Variants in NALF2 observed in about 807,000 individuals in gnomAD.
The protein encoded by NALF2 is NALCN channel auxiliary factor 2.
NALF2 carries 1 observed loss-of-function variant against 24.8 expected under a neutral mutation model. The observed-to-expected ratio is 0.04, with a 90% CI of 0.01 to 0.19. The LOEUF (loss-of-function observed/expected upper bound fraction) is 0.19, where lower values mean the gene tolerates loss of function less well. Among genes scored for constraint, NALF2 ranks in the 10% least tolerant of loss-of-function variants. The pLI is 1.00. For synonymous variants in NALF2, 254 were observed against 189.8 expected (o/e 1.34, Z -2.78); for missense variants, 458 against 409.6 (o/e 1.12, Z -1.02).
intron 1 of NALF2, among the ~76,000 whole-genome samples, chrX:69,511,046 C>T (rs1340085277): frequency 9.1e-6 from 1 of 109,708 alleles, no homozygotes; most frequent in Non-Finnish European, 1.9e-5. Flanking sequence ...ACAACCTTCC[C>T]AATCTTCTAC....
rs1053220456 is a variant in NALF2 at position 69,507,941 on chromosome X, C to G, written c.861+1798C>G. ...TAGTTGACTCCGATTTCTGTCTGGA[C>G]CTGAACTAAATACAAATCTCTCATG... On this transcript the variant is annotated intron_variant, in intron 1 of 2. Coordinates refer to ENST00000252338, the MANE Select transcript of NALF2 (RefSeq NM_015686.3). Among the ~76,000 whole-genome samples, 17 of 111,267 alleles carry G rather than the reference C, an allele frequency of 1.5e-4. No individual in the cohort carries two copies. In the Admixed American group the frequency reaches 1.5e-3, roughly 10 times the overall value.
chrX:69,516,771 T>G (rs1169356577), intron 1 of NALF2, among the ~76,000 whole-genome samples: 1 of 111,911 alleles, frequency 8.9e-6, no homozygotes, highest in Non-Finnish European at 1.9e-5. Flanking sequence ...TTGCCTCTTT[T>G]TAACACCTCC....
At chrX:69,518,167 T>A (rs1466731850) in intron 1 of NALF2, among the ~76,000 whole-genome samples, 1 of 111,397 alleles carries the variant, frequency 9.0e-6, no homozygotes, top group African/African-American at 3.3e-5. Context: ...GTTGTCCTGA[T>A]AAATTTACCA....
At chrX:69,517,082 G>A (rs976754573) in intron 1 of NALF2, among the ~76,000 whole-genome samples, 2 of 110,969 alleles carry the variant, frequency 1.8e-5, no homozygotes, top group Admixed American at 9.5e-5. Context: ...CCATCCCAAG[G>A]GCAATATGAG....
At chrX:69,522,271 C>T (rs780762894) in intron 1 of NALF2, among the ~76,000 whole-genome samples, 1 of 111,874 alleles carries the variant, frequency 8.9e-6, no homozygotes, top group South Asian at 3.8e-4. Context: ...CTGGAACAGT[C>T]ATGACCCTGA....
At chrX:69,511,028 A>G (rs770176196) in intron 1 of NALF2, among the ~76,000 whole-genome samples, 19 of 108,305 alleles carry the variant, frequency 1.8e-4, no homozygotes, top group Non-Finnish European at 3.3e-4. Flanking sequence ...CCACTTTCCA[A>G]TGACCCTACA....
At chrX:69,521,697 A>T (rs1178594181) in intron 1 of NALF2, among the ~76,000 whole-genome samples, 1 of 112,453 alleles carries the variant, frequency 8.9e-6, no homozygotes, top group Non-Finnish European at 1.9e-5. Flanking sequence ...TACTTGAAGT[A>T]TCATTTCCAC....
At chrX:69,526,228 T>C (rs1364854696) in intron 1 of NALF2, among the ~76,000 whole-genome samples, 1 of 111,654 alleles carries the variant, frequency 9.0e-6, no homozygotes, top group Non-Finnish European at 1.9e-5. Context: ...TACCTTTGCT[T>C]AAGCTATTGT....
chrX:69,508,129 C>T (rs936470390), intron 1 of NALF2, among the ~76,000 whole-genome samples: 2 of 111,853 alleles, frequency 1.8e-5, no homozygotes, highest in Non-Finnish European at 3.8e-5. Flanking sequence ...GGATCATCAT[C>T]CTTGCTCTGC....
intron 1 of NALF2, among the ~76,000 whole-genome samples, chrX:69,521,827 G>C (rs1323053127): frequency 8.9e-6 from 1 of 111,969 alleles, no homozygotes; most frequent in Non-Finnish European, 1.9e-5. Flanking sequence ...TCATATAGTT[G>C]TCTCCCCTGC....
chrX:69,530,229 A>C lies in NALF2; in HGVS notation c.*273A>C. On this transcript the variant is annotated 3_prime_UTR_variant, in exon 3 of 3. Transcript: ENST00000252338. ...GCTCCCATCTATGGGGCTTAGCAAAAAAAGGGAGGAAGTGGGGGCTGGATA... is the reference window on the plus strand; with the variant it reads ...GCTCCCATCTATGGGGCTTAGCAAACAAAGGGAGGAAGTGGGGGCTGGATA... 3.4e-6 allele frequency: 1 copy of C among 292,657 alleles called. No individual in the cohort carries two copies. The allele number at this position is 292,657 out of a possible 1,213,427, so 24.1% of individuals were successfully genotyped here.
Position 69,505,866 on chromosome X carries a change from C to G in NALF2, c.584C>G (p.Thr195Ser), listed in dbSNP as rs752493079. 8 of 1,209,655 alleles carry G rather than the reference C, an allele frequency of 6.6e-6. No homozygotes were observed. In the African/African-American group the frequency reaches 1.4e-4, roughly 21 times the overall value. ...NLLKGHFRNFTLSFCDTYTVW... is the reference protein window; with the variant it reads ...NLLKGHFRNFSLSFCDTYTVW... ...CTCAAAGGCCACTTTCGGAACTTCA[C>G]TCTCTCCTTTTGCGACACCTACACG... Residue 195 changes from threonine to serine, a missense_variant, in exon 1 of 3, where the codon ACT becomes AGT. Thr to Ser is a moderately conservative substitution (Grantham distance 58). Coordinates refer to ENST00000252338, the MANE Select transcript of NALF2 (RefSeq NM_015686.3).
At chrX:69,506,247 A>G in intron 1 of NALF2, 104 bp downstream of exon 1, 7 of 912,408 alleles carry the variant, frequency 7.7e-6, no homozygotes, top group Non-Finnish European at 1.1e-5. Flanking sequence ...CCACCCCACC[A>G]CTCCCACCGT....
rs1930479572 is a variant in NALF2, at chrX:69,506,068, C to A, written c.786C>A (p.Asp262Glu). Residue 262 changes from aspartate (D) to glutamate (E), a missense_variant, in exon 1 of 3, where the codon GAC becomes GAA. Coordinates refer to ENST00000252338, the MANE Select transcript of NALF2 (RefSeq NM_015686.3). The stretch of plus-strand genomic sequence containing the variant: ...ACCGACACGCTCAGGAAAAATATGA[C>A]GAGTTCGACCTCGTGCTGCATAAAT... ...RLDRHAQEKY[D>E]EFDLVLHKYL... 1 of 1,207,795 alleles carries A rather than the reference C, an allele frequency of 8.3e-7. No individual in the cohort carries two copies. Among genetic ancestry groups the A allele is most frequent in the African/African-American group, 1.7e-5 (1 of 57,223 alleles).
rs753709061 is a variant in NALF2, at chrX:69,529,940, T to C, written c.1403T>C (p.Leu468Pro). ...LETLPALEEG[L>P]TREE is the part of the protein sequence containing the mutation. ...ACACTGCCTGCCCTAGAGGAGGGCCTGACACGGGAAGAGTGACAGTAGGGA... is the reference window on the plus strand; with the variant it reads ...ACACTGCCTGCCCTAGAGGAGGGCCCGACACGGGAAGAGTGACAGTAGGGA... Residue 468 changes from leucine to proline, a missense_variant, in exon 3 of 3, where the codon CTG becomes CCG. Leu to Pro is a moderately conservative substitution (Grantham distance 98). Transcript: ENST00000252338. The C allele has an allele frequency of 3.5e-5, 42 of 1,196,725 alleles. No individual in the cohort carries two copies. The South Asian group carries it at 6.9e-4, about 20-fold the overall frequency.
chrX:69,518,862 A>G (rs1004379066), intron 1 of NALF2, among the ~76,000 whole-genome samples: 18 of 112,058 alleles, frequency 1.6e-4, no homozygotes, highest in African/African-American at 4.9e-4. Context: ...TCAATATTCT[A>G]TTTCCCAATT....
rs369378151 is a variant in NALF2, at chrX:69,532,470, T to G, written c.*2514T>G. ...GGGCAGAGGCCTCTCTGCTCTTGTT[T>G]AACCCCATAAAGAAATAAATGGTAA... On this transcript the variant is annotated 3_prime_UTR_variant, in exon 3 of 3. Transcript: ENST00000252338. 3.4e-4 allele frequency: 38 copies of G among 111,772 alleles called. No individual in the cohort carries two copies. The highest frequency in any genetic ancestry group is 1.1e-3 in the African/African-American group (35 of 30,715). The allele number at this position is 111,772 out of a possible 1,213,427, so 9.2% of individuals were successfully genotyped here. A position where few individuals can be genotyped will look rare whatever the true frequency, so the allele number is the denominator to read the frequency against.
In NALF2 at chrX:69,505,387, C is replaced by G; in HGVS notation, c.105C>G (p.Ala35=). The change falls in exon 1 of 3, where the codon GCC becomes GCG. Residue 35 remains alanine, a synonymous_variant. Transcript: ENST00000252338. ...CCAGGCCGAGCGACAAACCTTGCGC[C>G]GACTCCGAGCGGGCGCAGCGATGGC... ...WAPRPSDKPC[A]DSERAQRWRL... The G allele has an allele frequency of 8.6e-7, 1 of 1,158,985 alleles. No homozygotes were observed. Among genetic ancestry groups the G allele is most frequent in the South Asian group, 1.9e-5 (1 of 51,757 alleles).
At chrX:69,506,238 C>A in intron 1 of NALF2, 95 bp downstream of exon 1, 1 of 951,812 alleles carries the variant, frequency 1.1e-6, no homozygotes, top group Non-Finnish European at 1.4e-6. Flanking sequence ...CCTTTCTACC[C>A]ACCCCACCAC....
Sources: allele counts gnomAD v4.1 joint callset (sites outside exome capture counted in the v4.1 genomes callset), GRCh38; gene constraint gnomAD v4.1.1; transcripts MANE v1.5; gene names NCBI Gene and HGNC (gene_info 2026-07-23, HGNC 2026-07-21).